TAS2R1: variants seen among roughly 807,000 people sequenced by gnomAD.
The protein encoded by TAS2R1 is taste receptor type 2 member 1.
For missense variants in TAS2R1, 370 were observed against 353.4 expected, an observed-to-expected ratio of 1.05 and a Z score of -0.38; for synonymous variants, 141 against 134.2, an observed-to-expected ratio of 1.05 and a Z score of -0.35.
intron 1 of TAS2R1, among the ~76,000 whole-genome samples, chr5:9,672,547 A>G (rs1740789772): frequency 6.6e-6 from 1 of 152,146 alleles, no homozygotes; most frequent in African/African-American, 2.4e-5. Context: ...AATATCACTA[A>G]TAATTAGACA....
At chr5:9,862,212 T>A in the TAS2R1 span, among the ~76,000 whole-genome samples, 9 of 144,178 alleles carry the variant, frequency 6.2e-5, no homozygotes, top group African/African-American at 1.5e-4. Context: ...AAAAAAAAAA[T>A]GAGCCAATTT....
the TAS2R1 span, among the ~76,000 whole-genome samples, chr5:9,790,907 T>A: frequency 6.6e-6 from 1 of 152,282 alleles, no homozygotes. Context: ...CTCAAAGTGC[T>A]GGGATTACAG....
chr5:9,819,963 A>G, the TAS2R1 span, among the ~76,000 whole-genome samples: 1 of 152,102 alleles, frequency 6.6e-6, no homozygotes, highest in African/African-American at 2.4e-5. Context: ...CCCTGTCATG[A>G]CAAGCCAGCT....
At chr5:9,829,381 C>T in the TAS2R1 span, among the ~76,000 whole-genome samples, 43,309 of 151,968 alleles carry the variant, frequency 0.28, 6,943 homozygotes, top group Non-Finnish European at 0.37. Context: ...AGAATCATAA[C>T]ACAGGGAAGG....
intron 2 of TAS2R1, among the ~76,000 whole-genome samples, chr5:9,638,243 T>C (rs1299969757): frequency 1.3e-5 from 2 of 152,018 alleles, no homozygotes; most frequent in Non-Finnish European, 2.9e-5. Context: ...TGGGCTGATA[T>C]CAGGGGATGT....
chr5:9,634,100 A>G (rs1263398706), upstream of TAS2R1, among the ~76,000 whole-genome samples: 1 of 152,114 alleles, frequency 6.6e-6, no homozygotes, highest in African/African-American at 2.4e-5. Flanking sequence ...TCTTTAATCC[A>G]TCTTGAGGTT....
the TAS2R1 span, among the ~76,000 whole-genome samples, chr5:9,890,222 T>C: frequency 6.6e-6 from 1 of 152,214 alleles, no homozygotes. Flanking sequence ...ACCAGAACCT[T>C]TGTGTTCTCT....
the TAS2R1 span, among the ~76,000 whole-genome samples, chr5:9,801,352 T>C: frequency 1.3e-5 from 2 of 152,222 alleles, no homozygotes; most frequent in African/African-American, 4.8e-5. Flanking sequence ...ACTCAGTCTA[T>C]GATATTTTGT....
upstream of TAS2R1, among the ~76,000 whole-genome samples, chr5:9,632,809 C>T (rs1036626190): frequency 8.5e-5 from 13 of 152,098 alleles, no homozygotes; most frequent in Non-Finnish European, 1.5e-4. Context: ...GCTATTTCCT[C>T]CACTGAGGTC....
the TAS2R1 span, among the ~76,000 whole-genome samples, chr5:9,879,793 G>A: frequency 1.3e-5 from 2 of 152,176 alleles, no homozygotes; most frequent in Non-Finnish European, 2.9e-5. Context: ...ATGGTGAAAT[G>A]TCTACAGCTT....
At chr5:9,658,724 GA>G (rs1561371383) in intron 2 of TAS2R1, 2 of 152,178 alleles carry the variant, frequency 1.3e-5, no homozygotes, top group African/African-American at 4.8e-5. Context: ...AATGTGAGTT[GA>G]TAATCCAATT....
the TAS2R1 span, among the ~76,000 whole-genome samples, chr5:9,740,610 C>T: frequency 1.3e-5 from 2 of 152,178 alleles, no homozygotes; most frequent in African/African-American, 2.4e-5. Flanking sequence ...ACCCAATTGC[C>T]TTCCAAAACC....
At chr5:9,716,087 A>G (rs1020711898), upstream of TAS2R1, among the ~76,000 whole-genome samples, 1 of 152,186 alleles carries the variant, frequency 6.6e-6, no homozygotes, top group Non-Finnish European at 1.5e-5. Flanking sequence ...ATTGGCTTCA[A>G]TACAATGTGA....
upstream of TAS2R1, among the ~76,000 whole-genome samples, chr5:9,713,406 T>C (rs1171762320): frequency 6.6e-6 from 1 of 152,144 alleles, no homozygotes; most frequent in African/African-American, 2.4e-5. Context: ...AGCTTTTTCC[T>C]AACTAAATCA....
chr5:9,899,780 A>G, the TAS2R1 span, among the ~76,000 whole-genome samples: 1 of 152,192 alleles, frequency 6.6e-6, no homozygotes, highest in Non-Finnish European at 1.5e-5. Context: ...TGGTCTAGAA[A>G]AGACACATAA....
At chr5:9,731,264 C>T in the TAS2R1 span, among the ~76,000 whole-genome samples, 2 of 152,164 alleles carry the variant, frequency 1.3e-5, no homozygotes, top group African/African-American at 4.8e-5. Flanking sequence ...ATCACCTGAA[C>T]CTCCTCACTG....
Position 9,686,799 on chromosome 5 carries a change from T to G in TAS2R1, c.-242+25373A>C, listed in dbSNP as rs182961601. On this transcript the variant is annotated intron_variant, in intron 1 of 2. Coordinates refer to the TAS2R1 transcript ENST00000506620. ...TATAGGGAAATCCTTCTACTAAATG[T>G]TAAATTTTTAAAAGCAAAATTTAAA... Among the ~76,000 whole-genome samples the G allele has an allele frequency of 8.6e-3, 1,307 of 152,334 alleles. 5 individuals carry two copies. The highest frequency in any genetic ancestry group is 0.012 in the Non-Finnish European group (836 of 68,032).
At chr5:9,744,348 AATT>A in the TAS2R1 span, among the ~76,000 whole-genome samples, 1 of 152,196 alleles carries the variant, frequency 6.6e-6, no homozygotes, top group African/African-American at 2.4e-5. Flanking sequence ...ATGTAAGGAA[AATT>A]ATTAAGTGGA....
the TAS2R1 span, among the ~76,000 whole-genome samples, chr5:9,825,097 T>G: frequency 6.6e-6 from 1 of 152,218 alleles, no homozygotes; most frequent in Non-Finnish European, 1.5e-5. Context: ...TTGATGAAGC[T>G]GTTTTAAATA....
Sources: allele counts gnomAD v4.1 joint callset (sites outside exome capture counted in the v4.1 genomes callset), GRCh38; gene constraint gnomAD v4.1.1; transcripts MANE v1.5; gene names NCBI Gene and HGNC (gene_info 2026-07-23, HGNC 2026-07-21).